GMDS: variants seen among roughly 807,000 people sequenced by gnomAD.
The protein encoded by GMDS is GDP-mannose 4,6-dehydratase, also known as GDP-mannose 4,6 dehydratase.
Under a neutral mutation model 49.9 loss-of-function variants are expected in GMDS, and 20 were observed. The observed-to-expected ratio is 0.40, with a 90% CI of 0.28 to 0.58. GMDS has a LOEUF of 0.58. Among genes scored for constraint, GMDS ranks in the 20% least tolerant of loss-of-function variants. The probability of loss-of-function intolerance (pLI) is 0.42; values close to 1 mark genes in which losing one functional copy is unlikely to be tolerated. For missense variants in GMDS, 362 were observed against 481.4 expected, an observed-to-expected ratio of 0.75 and a Z score of 2.32; for synonymous variants, 177 against 178.6, an observed-to-expected ratio of 0.99 and a Z score of 0.07.
intron 6 of GMDS, among the ~76,000 whole-genome samples, chr6:1,937,798 T>C (rs1042387776): frequency 2.0e-5 from 3 of 152,188 alleles, no homozygotes; most frequent in African/African-American, 7.2e-5. Context: ...CCAAATAAGG[T>C]CACATCAACA....
intron 7 of GMDS, among the ~76,000 whole-genome samples, chr6:1,857,837 C>T (rs11969398): frequency 0.034 from 5,185 of 152,228 alleles, 301 homozygotes; most frequent in African/African-American, 0.12. Flanking sequence ...TTGTTAGGAA[C>T]TGCATTTCTG....
intron 7 of GMDS, among the ~76,000 whole-genome samples, chr6:1,815,890 A>G (rs1246165765): frequency 6.6e-6 from 1 of 152,236 alleles, no homozygotes; most frequent in Non-Finnish European, 1.5e-5. Flanking sequence ...TTCTTTCACA[A>G]GAAAACAGCT....
At chr6:2,035,009 T>C (rs1462193096) in intron 4 of GMDS, among the ~76,000 whole-genome samples, 3 of 152,098 alleles carry the variant, frequency 2.0e-5, no homozygotes, top group Admixed American at 1.3e-4. Flanking sequence ...TGCTACACCA[T>C]CTCTAGTCTA....
intron 9 of GMDS, among the ~76,000 whole-genome samples, chr6:1,696,111 G>C (rs545937671): frequency 3.2e-4 from 49 of 152,110 alleles, no homozygotes; most frequent in South Asian, 8.3e-4. Context: ...GCAGGAGAGG[G>C]TGATTCTGTT....
At chr6:1,664,942 G>A (rs148315998) in intron 9 of GMDS, among the ~76,000 whole-genome samples, 13 of 152,266 alleles carry the variant, frequency 8.5e-5, no homozygotes, top group African/African-American at 1.2e-4. Flanking sequence ...CACACCACAC[G>A]TGCTATGTGA....
At chr6:1,854,907 A>G (rs1757877707) in intron 7 of GMDS, among the ~76,000 whole-genome samples, 1 of 152,216 alleles carries the variant, frequency 6.6e-6, no homozygotes, top group Non-Finnish European at 1.5e-5. Context: ...AAAGAAGATG[A>G]GAAATAAGCC....
At chr6:1,994,026 C>T (rs922432776) in intron 4 of GMDS, among the ~76,000 whole-genome samples, 1 of 152,200 alleles carries the variant, frequency 6.6e-6, no homozygotes, top group African/African-American at 2.4e-5. Context: ...TGTTCCATTA[C>T]AGCAACTGCT....
chr6:1,952,132 GAA>G (rs36014848), intron 6 of GMDS: 1 of 277,078 alleles, frequency 3.6e-6, no homozygotes, highest in East Asian at 1.8e-4. Context: ...CCTCATTGCT[GAA>G]AAAAGGGAGA....
chr6:1,822,606 G>A (rs1327585928), intron 7 of GMDS, among the ~76,000 whole-genome samples: 5 of 152,138 alleles, frequency 3.3e-5, no homozygotes, highest in Non-Finnish European at 7.4e-5. Flanking sequence ...TATTCCAATA[G>A]ATGACAAAGA....
intron 4 of GMDS, among the ~76,000 whole-genome samples, chr6:2,021,777 A>G (rs988070900): frequency 1.3e-5 from 2 of 151,886 alleles, no homozygotes; most frequent in Non-Finnish European, 2.9e-5. Flanking sequence ...CACACCCTGC[A>G]CTCCTGGGCT....
chr6:1,647,189 C>T (rs533984991), intron 9 of GMDS, among the ~76,000 whole-genome samples: 4 of 152,334 alleles, frequency 2.6e-5, no homozygotes, highest in South Asian at 2.1e-4. Context: ...GGCCTGTCCA[C>T]GATGTGGCTT....
chr6:1,787,617 T>C (rs1388335384), intron 7 of GMDS, among the ~76,000 whole-genome samples: 3 of 152,170 alleles, frequency 2.0e-5, no homozygotes, highest in Non-Finnish European at 2.9e-5. Context: ...TCTAAATACA[T>C]GAAAAAGGAG....
chr6:1,985,457 T>C (rs1765489749), intron 4 of GMDS, among the ~76,000 whole-genome samples: 1 of 152,038 alleles, frequency 6.6e-6, no homozygotes, highest in African/African-American at 2.4e-5. Context: ...GAAGAGAACA[T>C]TTACTACAGA....
At chr6:1,931,792 C>T (rs769584559) in intron 6 of GMDS, among the ~76,000 whole-genome samples, 13 of 152,164 alleles carry the variant, frequency 8.5e-5, no homozygotes, top group Non-Finnish European at 1.8e-4. Context: ...AACCTGTTTA[C>T]CAGTAAAGTA....
At position 1,726,502 on chromosome 6, in the gene GMDS, T is replaced by C; in HGVS notation, c.901A>G (p.Lys301Glu). ...CATCTGCCCACTTCATTTTCATTCTTTCCTTCCCACCTGTAAGGAAGATAA... is the reference window on the plus strand; with the variant it reads ...CATCTGCCCACTTCATTTTCATTCTCTCCTTCCCACCTGTAAGGAAGATAA... ...HIGKTIVWEG[K>E]NENEVGRCKE... The change falls in exon 9 of 11, where the codon AAG (lysine) becomes GAG (glutamate). Residue 301 changes from lysine (K) to glutamate (E), a missense_variant. By Grantham distance (56) the Lys-to-Glu change is moderately conservative. Coordinates refer to ENST00000380815, the MANE Select transcript of GMDS (RefSeq NM_001500.4). 6.2e-7 allele frequency: 1 copy of C among 1,610,888 alleles called. No homozygotes were observed. The highest frequency in any genetic ancestry group is 8.5e-7 in the Non-Finnish European group (1 of 1,176,988).
chr6:1,680,903 T>C (rs1362913260), intron 9 of GMDS, among the ~76,000 whole-genome samples: 1 of 152,142 alleles, frequency 6.6e-6, no homozygotes, highest in East Asian at 1.9e-4. Context: ...CTGGATGATG[T>C]TTCCTAAAGA....
chr6:2,245,574 T>C lies in GMDS; in HGVS notation c.-152A>G, dbSNP rs577598958. On this transcript the variant is annotated 5_prime_UTR_variant, in exon 1 of 11. Coordinates refer to ENST00000380815, the MANE Select transcript of GMDS (RefSeq NM_001500.4). ...CACCGCGCGACCGGCCGCCACAGTC[T>C]GACAGGGGCGCACGGGAGGCCGTGC... 2 of 414,818 alleles carry C rather than the reference T, an allele frequency of 4.8e-6. No homozygotes were observed. The highest frequency in any genetic ancestry group is 8.3e-6 in the Non-Finnish European group (2 of 241,322). The allele number at this position is 414,818 out of a possible 1,614,324, so 25.7% of individuals were successfully genotyped here.
chr6:1,927,639 G>C (rs138803933), intron 7 of GMDS, among the ~76,000 whole-genome samples: 9 of 152,310 alleles, frequency 5.9e-5, no homozygotes, highest in Middle Eastern at 6.8e-3. Context: ...GCGCTAGCTT[G>C]GCATTTGGGA....
chr6:2,008,860 T>A (rs1446423704), intron 4 of GMDS, among the ~76,000 whole-genome samples: 2 of 152,186 alleles, frequency 1.3e-5, no homozygotes, highest in Admixed American at 1.3e-4. Flanking sequence ...GTACGTAACA[T>A]ACCTCATTTT....
Sources: gnomAD v4.1 joint callset for allele counts (sites outside exome capture counted in the v4.1 genomes callset) on GRCh38, gnomAD v4.1.1 for gene constraint, MANE v1.5 for transcripts, NCBI Gene and HGNC (gene_info 2026-07-23, HGNC 2026-07-21) for gene names.